The following SCAF4 variants were observed in gnomAD, a reference collection of about 807,000 sequenced individuals.
SCAF4 encodes SR-related and CTD-associated factor 4.
In SCAF4, 25 loss-of-function variants were observed where a neutral mutation model predicts 129.8. The observed-to-expected ratio is 0.19, with a 90% CI of 0.14 to 0.27. The LOEUF (loss-of-function observed/expected upper bound fraction) is 0.27, where lower values mean the gene tolerates loss of function less well. Among genes scored for constraint, SCAF4 ranks in the 10% least tolerant of loss-of-function variants. SCAF4 has a pLI of 1.00. For missense variants in SCAF4, 1,246 were observed against 1,457.1 expected (o/e 0.86, Z 2.36); for synonymous variants, 551 against 497.7 (o/e 1.11, Z -1.43).
intron 15 of SCAF4, 76 bp downstream of exon 15, chr21:31,690,721 G>A (rs767586808): frequency 2.6e-4 from 353 of 1,360,616 alleles, no homozygotes; most frequent in Non-Finnish European, 2.3e-4. Context: ...CTAATGCAAG[G>A]AACAGGACAT....
rs2050656883 is a variant in SCAF4, at chr21:31,706,137, G to A, written c.114+137C>T. 4.5e-6 allele frequency: 3 copies of A among 659,348 alleles called. No homozygotes were observed. The South Asian group carries it at 5.6e-5, about 12-fold the overall frequency. 40.8% of individuals were successfully genotyped at this position (659,348 alleles called of 1,614,324 possible). A position where few individuals can be genotyped will look rare whatever the true frequency, so the allele number is the denominator to read the frequency against. On this transcript the variant is annotated intron_variant, in intron 2 of 19. Transcript: ENST00000286835. ...TACAATGCAAATGCACGCTTATCAT[G>A]TACCTTCAGCAAAGGCTGGTTAGGG...
chr21:31,707,153 T>G (rs113436425), intron 1 of SCAF4, among the ~76,000 whole-genome samples: 1 of 151,942 alleles, frequency 6.6e-6, no homozygotes, highest in Non-Finnish European at 1.5e-5. Context: ...ATTCCATAGA[T>G]GGGGGGGTTA....
Position 31,732,039 on chromosome 21 carries a change from G to GC in SCAF4, c.-348_-347insG. 1 of 431,600 alleles carries GC rather than the reference G, an allele frequency of 2.3e-6. No homozygotes were observed. The allele number at this position is 431,600 out of a possible 1,614,324, so 26.7% of individuals were successfully genotyped here. ...CGCACTGGCTCACACTGGCCCGGCCGGCGAGCGGGCGGGCCTCTCTCTCCC... is the reference window on the plus strand; with the variant it reads ...CGCACTGGCTCACACTGGCCCGGCCGCGCGAGCGGGCGGGCCTCTCTCTCCC... On this transcript the variant is annotated 5_prime_UTR_variant, in exon 1 of 20. Transcript: ENST00000286835.
intron 3 of SCAF4, 35 bp downstream of exon 3, chr21:31,705,388 G>A: frequency 1.1e-6 from 1 of 942,282 alleles, no homozygotes; most frequent in Non-Finnish European, 1.6e-6. Context: ...AAATCATATT[G>A]TAACTAAAAT....
Position 31,671,554 on chromosome 21 carries a change from T to C in SCAF4, c.3289A>G (p.Ile1097Val), listed in dbSNP as rs1166632702. The C allele has an allele frequency of 4.3e-6, 7 of 1,614,086 alleles. No homozygotes were observed. Among genetic ancestry groups the C allele is most frequent in the African/African-American group, 1.3e-5 (1 of 74,934 alleles). Reference protein sequence around the residue: ...AGGNKTVEPPISQVGNVDTAS... With the variant: ...AGGNKTVEPPVSQVGNVDTAS... ...GTGTCTACATTTCCCACTTGGCTAATGGGAGGTTCAACGGTTTTGTTACCA... is the reference window on the plus strand; with the variant it reads ...GTGTCTACATTTCCCACTTGGCTAACGGGAGGTTCAACGGTTTTGTTACCA... The change falls in exon 20 of 20, where the codon ATT (isoleucine) becomes GTT (valine). Residue 1097 changes from isoleucine to valine, a missense_variant. This residue lies in a region of SCAF4 where 339 missense variants were observed against 325.0 expected (regional missense o/e 1.04). Transcript: ENST00000286835.
Position 31,731,765 on chromosome 21 carries a change from GGAAA to G in SCAF4, c.-77_-74del. ...CTCGCGCCGCGGCGGAGCGGGGCTG[GGAAA>G]CCAGCCGGGCCTGGTGGCCGGGGGG... On this transcript the variant is annotated 5_prime_UTR_variant, in exon 1 of 20. Coordinates refer to ENST00000286835, the MANE Select transcript of SCAF4 (RefSeq NM_020706.2). 1 of 1,517,188 alleles carries G rather than the reference GGAAA, an allele frequency of 6.6e-7. No individual in the cohort carries two copies. 94.0% of individuals were successfully genotyped at this position (1,517,188 alleles called of 1,614,324 possible).
intron 1 of SCAF4, among the ~76,000 whole-genome samples, chr21:31,717,841 A>ATATATG (rs1368659249): frequency 3.6e-5 from 3 of 83,330 alleles, no homozygotes; most frequent in African/African-American, 1.3e-4. Flanking sequence ...ATATATATAT[A>ATATATG]TACACACACA....
At chr21:31,717,362 G>A (rs2050943564) in intron 1 of SCAF4, among the ~76,000 whole-genome samples, 1 of 152,044 alleles carries the variant, frequency 6.6e-6, no homozygotes, top group Admixed American at 6.6e-5. Flanking sequence ...CACAAGTGGA[G>A]GAGAAAAAAA....
Position 31,701,841 on chromosome 21 carries a change from G to C in SCAF4, c.535C>G (p.Gln179Glu). The change falls in exon 6 of 20, where the codon CAG (glutamine) becomes GAG (glutamate). Residue 179 changes from glutamine (Q) to glutamate (E), a missense_variant. Transcript: ENST00000286835. ...ATPNSVPAVP[Q>E]LPSSDAFAAV... ...GCAAAAGCATCAGAGCTGGGCAACT[G>C]TGGTACAGCTGGGACGGAGTTTGGA... 1 of 1,614,148 alleles carries C rather than the reference G, an allele frequency of 6.2e-7. No individual in the cohort carries two copies. Among genetic ancestry groups the C allele is most frequent in the Non-Finnish European group, 8.5e-7 (1 of 1,180,018 alleles).
intron 19 of SCAF4, 88 bp from the exon 20 acceptor site, chr21:31,672,442 A>G: frequency 9.7e-7 from 1 of 1,031,160 alleles, no homozygotes; most frequent in East Asian, 2.6e-5. Context: ...AAGCAAAATA[A>G]AATTCAACCC....
At chr21:31,675,415 G>A (rs1045974068) in intron 19 of SCAF4, among the ~76,000 whole-genome samples, 11 of 152,232 alleles carry the variant, frequency 7.2e-5, no homozygotes, top group African/African-American at 2.2e-4. Context: ...AGCAGTGACA[G>A]TGATAGTGAC....
In SCAF4 at chr21:31,672,126, T is replaced by TTCA. The variant is rs1402965214; in HGVS notation, c.2714_2716dup (p.Met905dup). 6.2e-7 allele frequency: 1 copy of TTCA among 1,609,942 alleles called. No homozygotes were observed. The highest frequency in any genetic ancestry group is 1.1e-5 in the South Asian group (1 of 90,940). On this transcript the variant is annotated inframe_insertion, in exon 20 of 20. Coordinates refer to ENST00000286835, the MANE Select transcript of SCAF4 (RefSeq NM_020706.2). ...GGGGCCATGCGGTGGGAAGGGACCT[T>TTCA]TCATTCCATGAGGTGGAGGCATCGC...
chr21:31,681,044 G>C (rs2049983687), intron 19 of SCAF4, among the ~76,000 whole-genome samples: 1 of 152,206 alleles, frequency 6.6e-6, no homozygotes, highest in African/African-American at 2.4e-5. Flanking sequence ...CAGGACTGCA[G>C]CGCAGCACAC....
At chr21:31,707,828 TAC>T (rs904969396) in intron 1 of SCAF4, among the ~76,000 whole-genome samples, 3 of 152,170 alleles carry the variant, frequency 2.0e-5, no homozygotes, top group African/African-American at 7.2e-5. Flanking sequence ...TTTTCAAAAC[TAC>T]AGACATCAGT....
Position 31,671,279 on chromosome 21 carries a change from G to T in SCAF4, c.*120C>A. 1.8e-6 allele frequency: 2 copies of T among 1,121,014 alleles called. No individual in the cohort carries two copies. The highest frequency in any genetic ancestry group is 1.2e-6 in the Non-Finnish European group (1 of 817,440). 69.4% of individuals were successfully genotyped at this position (1,121,014 alleles called of 1,614,324 possible). A position where few individuals can be genotyped will look rare whatever the true frequency, so the allele number is the denominator to read the frequency against. ...AAGGGAAGCAATCAAATTGCTTACA[G>T]TTCCCCACCAGCTGGCGCGGGGCTG... is the stretch of plus-strand genomic sequence containing the variant. On this transcript the variant is annotated 3_prime_UTR_variant, in exon 20 of 20. Coordinates refer to ENST00000286835, the MANE Select transcript of SCAF4 (RefSeq NM_020706.2).
chr21:31,692,446 C>A lies in SCAF4; in HGVS notation c.1517G>T (p.Cys506Phe). ...PQVKPETASV[C>F]STTLWVGQLD... ...CTGCCCCACCCAGAGGGTAGTACTG[C>A]AAACTTAAAATAAAATTACAATCAT... The change falls in exon 13 of 20, where the codon TGC becomes TTC. Residue 506 changes from cysteine (C) to phenylalanine (F), a missense_variant. Physicochemically the swap from Cys to Phe is radical, Grantham distance 205. Transcript: ENST00000286835. 2 of 1,607,740 alleles carry A rather than the reference C, an allele frequency of 1.2e-6. No homozygotes were observed. Among genetic ancestry groups the A allele is most frequent in the East Asian group, 2.2e-5 (1 of 44,828 alleles).
At chr21:31,700,851 G>C (rs776262613) in intron 7 of SCAF4, 144 bp downstream of exon 7, 1 of 939,606 alleles carries the variant, frequency 1.1e-6, no homozygotes. Flanking sequence ...GAAAATAATC[G>C]ATGTTTTCTT....
intron 1 of SCAF4, among the ~76,000 whole-genome samples, chr21:31,714,444 T>C (rs1601256538): frequency 6.6e-6 from 1 of 152,206 alleles, no homozygotes; most frequent in East Asian, 1.9e-4. Context: ...AGCTTGGCTC[T>C]TTGCTTTGTC....
chr21:31,696,554 A>C lies in SCAF4; in HGVS notation c.959+15T>G. On this transcript the variant is annotated intron_variant, in intron 8 of 19. Coordinates refer to ENST00000286835, the MANE Select transcript of SCAF4 (RefSeq NM_020706.2). ...CCAATTTTCTATCTGCTGAGGAATA[A>C]AAAAAAAAACTAACAATGGTGCCTG... 1 of 1,556,136 alleles carries C rather than the reference A, an allele frequency of 6.4e-7. No homozygotes were observed. The highest frequency in any genetic ancestry group is 8.7e-7 in the Non-Finnish European group (1 of 1,148,846).
Sources: allele counts gnomAD v4.1 joint callset (sites outside exome capture counted in the v4.1 genomes callset), GRCh38; gene constraint gnomAD v4.1.1; regional missense constraint gnomAD v4.1.1; transcripts MANE v1.5; gene names NCBI Gene and HGNC (gene_info 2026-07-23, HGNC 2026-07-21).